ZC3H14: variants seen among roughly 807,000 people sequenced by gnomAD.
ZC3H14 encodes zinc finger CCCH-type containing 14.
In ZC3H14, 31 loss-of-function variants were observed where a neutral mutation model predicts 92.4. The observed-to-expected ratio is 0.34, with a 90% CI of 0.25 to 0.45. The LOEUF is 0.45. Among genes scored for constraint, ZC3H14 ranks in the 20% least tolerant of loss-of-function variants. The pLI is 1.00. For missense variants in ZC3H14, 781 were observed against 897.3 expected (o/e 0.87, Z 1.66); for synonymous variants, 321 against 300.9 (o/e 1.07, Z -0.69).
chr14:88,616,129 G>T lies in ZC3H14; in HGVS notation c.*4378G>T. 6.2e-7 allele frequency: 1 copy of T among 1,612,636 alleles called. No individual in the cohort carries two copies. The highest frequency in any genetic ancestry group is 8.5e-7 in the Non-Finnish European group (1 of 1,178,756). On this transcript the variant is annotated 3_prime_UTR_variant, in exon 17 of 17. Transcript: ENST00000251038. ...ACATAGTCTGCTCTTCATGGGCTGA[G>T]AAAGTTACTAACCTGCAGTCATCAC...
rs941668 is a variant in ZC3H14, at chr14:88,621,457, A to G, written c.*9706A>G. On this transcript the variant is annotated 3_prime_UTR_variant, in exon 17 of 17. Coordinates refer to ENST00000251038, the MANE Select transcript of ZC3H14 (RefSeq NM_024824.5). ...GTCATTAGCTCATGCAAATTTTTCT[A>G]TGACTACAGGCACACATCTATCTGT... The G allele has an allele frequency of 0.41, 296,891 of 729,234 alleles. 67,224 individuals are homozygous for G. Among genetic ancestry groups the G allele is most frequent in the Middle Eastern group, 0.49 (1,835 of 3,732 alleles). The allele number at this position is 729,234 out of a possible 1,614,324, so 45.2% of individuals were successfully genotyped here.
In ZC3H14 at chr14:88,615,691, G is replaced by A. The variant is rs1460587579; in HGVS notation, c.*3940G>A. The A allele has an allele frequency of 1.2e-6, 1 of 810,456 alleles. No individual in the cohort carries two copies. Among genetic ancestry groups the A allele is most frequent in the Non-Finnish European group, 2.0e-6 (1 of 510,490 alleles). The allele number at this position is 810,456 out of a possible 1,614,324, so 50.2% of individuals were successfully genotyped here. On this transcript the variant is annotated 3_prime_UTR_variant, in exon 17 of 17. Coordinates refer to ENST00000251038, the MANE Select transcript of ZC3H14 (RefSeq NM_024824.5). ...CAGATCAGTCTTTCACTATTTTGAT[G>A]ATTCTGGGCATTTCTCCCTGTTACA...
intron 9 of ZC3H14, 47 bp from the exon 10 acceptor site, chr14:88,596,687 A>G (rs769533940): frequency 1.2e-5 from 18 of 1,518,884 alleles, no homozygotes; most frequent in South Asian, 2.2e-5. Context: ...ACATGCTGGT[A>G]TTGTCTGTGT....
chr14:88,594,537 A>G lies in ZC3H14; in HGVS notation c.1280-2197A>G, dbSNP rs557813421. The G allele has an allele frequency of 1.1e-5, 16 of 1,432,232 alleles. No individual in the cohort carries two copies. The South Asian group carries it at 2.4e-4, about 21-fold the overall frequency. The allele number at this position is 1,432,232 out of a possible 1,614,324, so 88.7% of individuals were successfully genotyped here. On this transcript the variant is annotated intron_variant, in intron 9 of 16. Transcript: ENST00000251038. ...ACATTTAGTTTTGAATTCTGACTCT[A>G]GAAATGTACAACCCCATCTTTTGAA...
At chr14:88,611,066 T>A in intron 16 of ZC3H14, 126 bp downstream of exon 16, 4 of 943,812 alleles carry the variant, frequency 4.2e-6, no homozygotes, top group Non-Finnish European at 6.6e-6. Context: ...CTTTGCTGTT[T>A]AATTATAGAA....
At chr14:88,610,978 ATTC>A (rs760369871) in intron 16 of ZC3H14, 38 bp downstream of exon 16, 239 of 1,566,040 alleles carry the variant, frequency 1.5e-4, no homozygotes, top group Non-Finnish European at 1.9e-4. Context: ...GTCAGTTCAA[ATTC>A]TTTTTTCTAA....
chr14:88,624,949 G>A lies in ZC3H14; in HGVS notation c.*13198G>A, dbSNP rs2089694284. The A allele has an allele frequency of 1.9e-6, 3 of 1,611,686 alleles. No homozygotes were observed. Among genetic ancestry groups the A allele is most frequent in the Non-Finnish European group, 2.5e-6 (3 of 1,178,802 alleles). On this transcript the variant is annotated 3_prime_UTR_variant, in exon 17 of 17. Coordinates refer to ENST00000251038, the MANE Select transcript of ZC3H14 (RefSeq NM_024824.5). ...TAGGTCACAAATGCATAAATATTCTGTGAAAAGAAAGAGGACTCACGGCCT... is the reference window on the plus strand; with the variant it reads ...TAGGTCACAAATGCATAAATATTCTATGAAAAGAAAGAGGACTCACGGCCT...
chr14:88,582,641 G>A (rs2082032914), intron 9 of ZC3H14, among the ~76,000 whole-genome samples: 1 of 152,186 alleles, frequency 6.6e-6, no homozygotes, highest in Non-Finnish European at 1.5e-5. Context: ...AGTCAGAAGG[G>A]TGTTTTGCCT....
chr14:88,583,120 A>T (rs1288125820), intron 9 of ZC3H14, among the ~76,000 whole-genome samples: 9 of 117,140 alleles, frequency 7.7e-5, no homozygotes, highest in Admixed American at 8.4e-5. Flanking sequence ...TATTTCATTG[A>T]CTTGTGCTTT....
In ZC3H14 at chr14:88,616,225, G is replaced by A; in HGVS notation, c.*4474G>A. On this transcript the variant is annotated 3_prime_UTR_variant, in exon 17 of 17. Coordinates refer to ENST00000251038, the MANE Select transcript of ZC3H14 (RefSeq NM_024824.5). ...TTGTCACATGGGGCGAATGACCCAA[G>A]AACCTTTTGTGTTTTGCCTAAAAAA... 1.9e-6 allele frequency: 3 copies of A among 1,613,856 alleles called. No homozygotes were observed. In the South Asian group the frequency reaches 3.3e-5, roughly 18 times the overall value.
intron 2 of ZC3H14, among the ~76,000 whole-genome samples, chr14:88,564,176 A>G (rs1442134707): frequency 6.6e-6 from 1 of 152,024 alleles, no homozygotes; most frequent in Non-Finnish European, 1.5e-5. Context: ...GTTGGATGTG[A>G]ATGTTTGATG....
rs1220194546 is a variant in ZC3H14, at chr14:88,571,187, A to G, written c.235+63A>G. ...TATGGCATATGATTTGTTTCTTTCT[A>G]AAGTCATAGTGCTTTGGGAAAAACC... On this transcript the variant is annotated intron_variant, in intron 4 of 16. Transcript: ENST00000251038. The G allele has an allele frequency of 5.6e-6, 8 of 1,427,914 alleles. No homozygotes were observed. In the Admixed American group the frequency reaches 9.7e-5, roughly 17 times the overall value. The allele number at this position is 1,427,914 out of a possible 1,614,324, so 88.5% of individuals were successfully genotyped here. A position where few individuals can be genotyped will look rare whatever the true frequency, so the allele number is the denominator to read the frequency against.
In ZC3H14 at chr14:88,625,956, C is replaced by T. The variant is rs530434401; in HGVS notation, c.*14205C>T. On this transcript the variant is annotated 3_prime_UTR_variant, in exon 17 of 17. Transcript: ENST00000251038. The stretch of plus-strand genomic sequence containing the variant: ...AAAGGAAAGAGATGTGGATTGGAAG[C>T]CACAGGTCCAGATGAGATGGAATAA... 5.8e-4 allele frequency: 88 copies of T among 152,238 alleles called. 1 individual carries two copies. The highest frequency in any genetic ancestry group is 2.1e-3 in the African/African-American group (86 of 41,522). The allele number at this position is 152,238 out of a possible 1,614,324, so 9.4% of individuals were successfully genotyped here. A position where few individuals can be genotyped will look rare whatever the true frequency, so the allele number is the denominator to read the frequency against.
At position 88,627,544 on chromosome 14, in the gene ZC3H14, G is replaced by T; in HGVS notation, c.*15793G>T. On this transcript the variant is annotated 3_prime_UTR_variant, in exon 17 of 17. Transcript: ENST00000251038. ...TATATTGCATAGGCCTCCACTGAAT[G>T]ATTGTTTCAACCACCAACTTTAAGA... The T allele has an allele frequency of 8.2e-7, 1 of 1,217,374 alleles. No individual in the cohort carries two copies. Among genetic ancestry groups the T allele is most frequent in the Non-Finnish European group, 1.1e-6 (1 of 889,310 alleles). The allele number at this position is 1,217,374 out of a possible 1,614,324, so 75.4% of individuals were successfully genotyped here. A position where few individuals can be genotyped will look rare whatever the true frequency, so the allele number is the denominator to read the frequency against.
chr14:88,579,579 GA>G (rs2081626578), intron 9 of ZC3H14, among the ~76,000 whole-genome samples: 2 of 152,132 alleles, frequency 1.3e-5, no homozygotes, highest in African/African-American at 4.8e-5. Context: ...AGACAATAGA[GA>G]AAAGGAAAGA....
In ZC3H14 at chr14:88,578,144, ATAACT is replaced by A; in HGVS notation, c.1279+8_1279+12del. 1 of 1,613,930 alleles carries A rather than the reference ATAACT, an allele frequency of 6.2e-7. No homozygotes were observed. The highest frequency in any genetic ancestry group is 8.5e-7 in the Non-Finnish European group (1 of 1,179,878). ...GATTCTGTAGAAAAAAATCAAGGTA[ATAACT>A]TAAATGATGTTTCACTCTTTACTAC... On this transcript the variant is annotated splice_donor_5th_base_variant and intron_variant, in intron 9 of 16. Transcript: ENST00000251038.
intron 12 of ZC3H14, among the ~76,000 whole-genome samples, chr14:88,605,044 GTAT>G (rs1304706573): frequency 6.6e-6 from 1 of 152,178 alleles, no homozygotes; most frequent in East Asian, 1.9e-4. Flanking sequence ...TCTTTGTAAG[GTAT>G]TATTGTAATA....
At chr14:88,601,336 T>C (rs1488037802) in intron 10 of ZC3H14, among the ~76,000 whole-genome samples, 1 of 152,200 alleles carries the variant, frequency 6.6e-6, no homozygotes, top group Non-Finnish European at 1.5e-5. Flanking sequence ...TTTTATAAAA[T>C]AGTAGATGAT....
At chr14:88,563,370 A>G in intron 1 of ZC3H14, 1 of 1,442,532 alleles carries the variant, frequency 6.9e-7, no homozygotes, top group Non-Finnish European at 9.0e-7. Context: ...CGGCTGAAGT[A>G]GCCGCCGGGA....
Sources: allele counts gnomAD v4.1 joint callset (sites outside exome capture counted in the v4.1 genomes callset), GRCh38; gene constraint gnomAD v4.1.1; transcripts MANE v1.5; gene names NCBI Gene and HGNC (gene_info 2026-07-23, HGNC 2026-07-21).